The following CCDC146 variants were observed in gnomAD, a reference collection of about 807,000 sequenced individuals.
The protein encoded by CCDC146 is coiled-coil domain-containing protein 146.
In CCDC146, 92 loss-of-function variants were observed where a neutral mutation model predicts 119.3. That is an observed-to-expected ratio of 0.77 (90% CI 0.65 to 0.92). The LOEUF (loss-of-function observed/expected upper bound fraction) is 0.92, where lower values mean the gene tolerates loss of function less well. Among genes scored for constraint, CCDC146 ranks in the 40% least tolerant of loss-of-function variants. CCDC146 has a pLI of 0.00. For synonymous variants in CCDC146, 372 were observed against 371.8 expected (o/e 1.00, Z -0.01); for missense variants, 1,000 against 1,103.0 (o/e 0.91, Z 1.32).
At chr7:77,125,819 T>C (rs1181101330) in intron 1 of CCDC146, among the ~76,000 whole-genome samples, 1 of 152,102 alleles carries the variant, frequency 6.6e-6, no homozygotes, top group Non-Finnish European at 1.5e-5. Flanking sequence ...TTATGAAATA[T>C]TAATAAACTC....
Position 77,294,833 on chromosome 7 carries a change from A to G in CCDC146, c.2835A>G (p.Ile945Met). 1 of 1,614,128 alleles carries G rather than the reference A, an allele frequency of 6.2e-7. No homozygotes were observed. The highest frequency in any genetic ancestry group is 8.5e-7 in the Non-Finnish European group (1 of 1,180,012). ...AACCTGGAGCCAATATGAGGCACAT[A>G]AGGAAACCTGTTATAAAGCCAGTTG... ...PSEPGANMRH[I>M]RKPVIKPVEI Residue 945 changes from isoleucine (I) to methionine (M), a missense_variant, in exon 19 of 19, where the codon ATA becomes ATG. This residue lies in a region of CCDC146 where 985 missense variants were observed against 1,045.3 expected (regional missense o/e 0.94). Transcript: ENST00000285871.
chr7:77,154,153 G>A (rs1357813015), intron 1 of CCDC146, among the ~76,000 whole-genome samples: 4 of 152,006 alleles, frequency 2.6e-5, no homozygotes, highest in African/African-American at 7.3e-5. Context: ...GGGGAGGTCC[G>A]AGGGGTTGAC....
At chr7:77,159,363 G>C (rs1357953329) in intron 1 of CCDC146, among the ~76,000 whole-genome samples, 4 of 152,092 alleles carry the variant, frequency 2.6e-5, no homozygotes, top group African/African-American at 7.2e-5. Flanking sequence ...CTATGAGTTT[G>C]ACTGCTTTAA....
intron 1 of CCDC146, among the ~76,000 whole-genome samples, chr7:77,165,585 G>A (rs1313421748): frequency 6.6e-6 from 1 of 152,198 alleles, no homozygotes; most frequent in African/African-American, 2.4e-5. Context: ...ATTGGCAAAA[G>A]CAATGGCAGC....
In CCDC146 at chr7:77,262,483, G is replaced by A. The variant is rs994794061; in HGVS notation, c.1173+176G>A. 4.6e-5 allele frequency among the ~76,000 whole-genome samples: 7 copies of A among 152,156 alleles called. No homozygotes were observed. The East Asian group carries it at 5.8e-4, about 13-fold the overall frequency. ...GAAATCTATAGTCCTATAATGTTTC[G>A]TAATCTCATTTTTCTAACCCAAGAT... is the stretch of plus-strand genomic sequence containing the variant. On this transcript the variant is annotated intron_variant, in intron 9 of 18. Coordinates refer to ENST00000285871, the MANE Select transcript of CCDC146 (RefSeq NM_020879.3).
At chr7:77,266,100 T>A (rs1793398031) in intron 9 of CCDC146, among the ~76,000 whole-genome samples, 1 of 152,158 alleles carries the variant, frequency 6.6e-6, no homozygotes, top group African/African-American at 2.4e-5. Flanking sequence ...TTCCTAGGAT[T>A]TTGCTCTGAC....
intron 2 of CCDC146, among the ~76,000 whole-genome samples, chr7:77,185,903 A>G (rs951357759): frequency 2.0e-5 from 3 of 152,210 alleles, no homozygotes; most frequent in Non-Finnish European, 2.9e-5. Flanking sequence ...TTAAGAATCT[A>G]TTGATCATGA....
At chr7:77,225,346 C>T (rs1444049208) in intron 2 of CCDC146, among the ~76,000 whole-genome samples, 2 of 151,402 alleles carry the variant, frequency 1.3e-5, no homozygotes, top group Non-Finnish European at 1.5e-5. Flanking sequence ...ACCAGAAGTT[C>T]GAGACCAGCC....
chr7:77,124,007 G>T (rs1195478436), intron 1 of CCDC146, among the ~76,000 whole-genome samples: 2 of 152,092 alleles, frequency 1.3e-5, no homozygotes, highest in Non-Finnish European at 2.9e-5. Flanking sequence ...ACTTTGAAAA[G>T]AAATTTGAAA....
At chr7:77,180,018 TCTC>T (rs1180036244) in intron 2 of CCDC146, among the ~76,000 whole-genome samples, 1 of 152,180 alleles carries the variant, frequency 6.6e-6, no homozygotes, top group Admixed American at 6.5e-5. Flanking sequence ...TCAGAATTCC[TCTC>T]CTAAGATGGA....
chr7:77,248,847 CT>C (rs895143817), intron 4 of CCDC146, among the ~76,000 whole-genome samples: 32 of 152,124 alleles, frequency 2.1e-4, no homozygotes, highest in African/African-American at 7.2e-5. Flanking sequence ...AAAATATAAA[CT>C]TTTTTTGTAT....
chr7:77,225,896 T>C (rs550652257), intron 2 of CCDC146, among the ~76,000 whole-genome samples: 7 of 151,928 alleles, frequency 4.6e-5, no homozygotes, highest in African/African-American at 1.5e-4. Flanking sequence ...TGAGCTGAGA[T>C]TGCGCCATTG....
At chr7:77,265,930 A>C (rs902411003) in intron 9 of CCDC146, among the ~76,000 whole-genome samples, 5 of 152,242 alleles carry the variant, frequency 3.3e-5, no homozygotes, top group Non-Finnish European at 5.9e-5. Context: ...AAACCATCAG[A>C]GCTTTTAATG....
At chr7:77,190,052 C>T (rs919202518) in intron 2 of CCDC146, among the ~76,000 whole-genome samples, 1 of 152,160 alleles carries the variant, frequency 6.6e-6, no homozygotes. Flanking sequence ...GATAAATCTC[C>T]AGCCTCCTAG....
intron 1 of CCDC146, among the ~76,000 whole-genome samples, chr7:77,130,790 G>T (rs111337649): frequency 6.0e-5 from 9 of 150,042 alleles, no homozygotes; most frequent in Non-Finnish European, 8.9e-5. Context: ...GTAGAGACGG[G>T]GTTTCACCGT....
intron 8 of CCDC146, among the ~76,000 whole-genome samples, chr7:77,260,614 A>G (rs1464008418): frequency 6.6e-6 from 1 of 151,916 alleles, no homozygotes. Context: ...TCCCTAGGAG[A>G]GTTTTATGTC....
At chr7:77,229,897 A>G (rs187875478) in intron 2 of CCDC146, among the ~76,000 whole-genome samples, 1 of 151,970 alleles carries the variant, frequency 6.6e-6, no homozygotes, top group Admixed American at 6.5e-5. Context: ...GCATAATTGT[A>G]GAATATTTCC....
At chr7:77,176,967 C>T (rs1279382691) in intron 2 of CCDC146, among the ~76,000 whole-genome samples, 1 of 152,052 alleles carries the variant, frequency 6.6e-6, no homozygotes, top group African/African-American at 2.4e-5. Flanking sequence ...CCTGGAGTAG[C>T]TGGGACCACC....
intron 2 of CCDC146, among the ~76,000 whole-genome samples, chr7:77,210,735 G>T (rs896309330): frequency 6.6e-6 from 1 of 152,128 alleles, no homozygotes; most frequent in African/African-American, 2.4e-5. Flanking sequence ...AGTTCCACAG[G>T]CTGTACAGGA....
Sources: allele counts gnomAD v4.1 joint callset (sites outside exome capture counted in the v4.1 genomes callset), GRCh38; gene constraint gnomAD v4.1.1; regional missense constraint gnomAD v4.1.1; transcripts MANE v1.5; gene names NCBI Gene and HGNC (gene_info 2026-07-23, HGNC 2026-07-21).